The following AP4E1 variants were observed in gnomAD, a reference collection of about 807,000 sequenced individuals.
AP4E1 encodes adaptor related protein complex 4 subunit epsilon 1.
In AP4E1, 56 loss-of-function variants were observed where a neutral mutation model predicts 128.2. The observed-to-expected ratio is 0.44, with a 90% CI of 0.35 to 0.55. The LOEUF (loss-of-function observed/expected upper bound fraction) is 0.55. Among genes scored for constraint, AP4E1 ranks in the 20% least tolerant of loss-of-function variants. The pLI, the probability that AP4E1 is intolerant of heterozygous loss-of-function variation, is 0.00. For missense variants in AP4E1, 1,324 were observed against 1,307.7 expected, an observed-to-expected ratio of 1.01 and a Z score of -0.19; for synonymous variants, 484 against 473.1, an observed-to-expected ratio of 1.02 and a Z score of -0.30.
At chr15:50,940,493 A>G (rs927636171) in intron 8 of AP4E1, among the ~76,000 whole-genome samples, 1 of 152,212 alleles carries the variant, frequency 6.6e-6, no homozygotes, top group African/African-American at 2.4e-5. Flanking sequence ...TTTGTACATA[A>G]AGAGAATGTC....
intron 11 of AP4E1, 76 bp from the exon 12 acceptor site, chr15:50,949,750 T>C: frequency 8.5e-7 from 1 of 1,174,454 alleles, no homozygotes; most frequent in Non-Finnish European, 1.3e-6. Flanking sequence ...GGGGTTATTT[T>C]TTAAAAGATT....
At chr15:50,968,809 G>A (rs754124401) in intron 15 of AP4E1, among the ~76,000 whole-genome samples, 1 of 150,064 alleles carries the variant, frequency 6.7e-6, no homozygotes, top group Non-Finnish European at 1.5e-5. Flanking sequence ...TGTATTTTTA[G>A]TAGAGATGGG....
Position 50,958,659 on chromosome 15 carries a change from G to C in AP4E1, c.1716G>C (p.Glu572Asp). Reference protein sequence around the residue: ...TSQAHSSNTVERLIHEFTISL... With the variant: ...TSQAHSSNTVDRLIHEFTISL... ...AGGCGCACTCTTCTAATACAGTTGA[G>C]AGATTAATCCATGAATTTACCATAT... The change falls in exon 14 of 21, where the codon GAG becomes GAC. Residue 572 changes from glutamate (E) to aspartate (D), a missense_variant. By Grantham distance (45) the Glu-to-Asp change is conservative (BLOSUM62 2). Coordinates refer to ENST00000261842, the MANE Select transcript of AP4E1 (RefSeq NM_007347.5). 1.9e-6 allele frequency: 3 copies of C among 1,614,098 alleles called. No homozygotes were observed. The highest frequency in any genetic ancestry group is 2.5e-6 in the Non-Finnish European group (3 of 1,179,996).
At chr15:50,973,426 AC>A (rs1659794247) in intron 15 of AP4E1, among the ~76,000 whole-genome samples, 1 of 152,166 alleles carries the variant, frequency 6.6e-6, no homozygotes, top group African/African-American at 2.4e-5. Flanking sequence ...GTGGTTAAGA[AC>A]CTTAACTGGA....
rs372467230 is a variant in AP4E1 at position 50,911,575 on chromosome 15, C to T, written c.151-503C>T. Among the ~76,000 whole-genome samples, 7 of 150,540 alleles carry T rather than the reference C, an allele frequency of 4.6e-5. No homozygotes were observed. The East Asian group carries it at 5.8e-4, about 13-fold the overall frequency. ...TCGGCTCACTGCAACATTCACTTCCCGGGTTCAAGCGATTCTCCTGCCCCT... is the reference window on the plus strand; with the variant it reads ...TCGGCTCACTGCAACATTCACTTCCTGGGTTCAAGCGATTCTCCTGCCCCT... On this transcript the variant is annotated intron_variant, in intron 1 of 20. Transcript: ENST00000261842.
intron 16 of AP4E1, among the ~76,000 whole-genome samples, chr15:50,986,944 T>G (rs371115911): frequency 1.3e-5 from 2 of 152,144 alleles, no homozygotes; most frequent in African/African-American, 2.4e-5. Context: ...GTCCTGGACT[T>G]TTTTTGGTTG....
rs78205402 is a variant in AP4E1, at chr15:51,003,174, A to T, written c.*512A>T. The T allele has an allele frequency of 7.2e-5, 12 of 166,564 alleles. No homozygotes were observed. In the East Asian group the frequency reaches 2.1e-3, roughly 29 times the overall value. 10.3% of individuals were successfully genotyped at this position (166,564 alleles called of 1,614,324 possible). On this transcript the variant is annotated 3_prime_UTR_variant, in exon 21 of 21. Transcript: ENST00000261842. ...TAGATCAGTGTTGAACTAAGTTGGC[A>T]TAGCACACACTAACAGTTGTAGGAG...
intron 1 of AP4E1, among the ~76,000 whole-genome samples, chr15:50,911,801 A>C (rs1048289589): frequency 3.3e-5 from 5 of 152,258 alleles, no homozygotes; most frequent in African/African-American, 7.2e-5. Flanking sequence ...TTAAAAAAAA[A>C]CATTTTCTGC....
At position 51,001,049 on chromosome 15, in the gene AP4E1, A is replaced by T; in HGVS notation, c.3119A>T (p.Asp1040Val). ...FIRPLKISSDDFGKLWLSFAN... is the reference protein window; with the variant it reads ...FIRPLKISSDVFGKLWLSFAN... ...AGACCATTAAAAATCTCAAGTGACG[A>T]CTTTGGGAAACTCTGGTTATCCTTC... Residue 1040 changes from aspartate to valine, a missense_variant, in exon 20 of 21, where the codon GAC (aspartate) becomes GTC (valine). Physicochemically the swap from Asp to Val is radical, Grantham distance 152. Transcript: ENST00000261842. 1 of 1,613,000 alleles carries T rather than the reference A, an allele frequency of 6.2e-7. No individual in the cohort carries two copies. Among genetic ancestry groups the T allele is most frequent in the Non-Finnish European group, 8.5e-7 (1 of 1,179,304 alleles).
chr15:50,928,962 C>T, intron 5 of AP4E1, 47 bp from the exon 6 acceptor site: 2 of 1,590,186 alleles, frequency 1.3e-6, no homozygotes, highest in Non-Finnish European at 1.7e-6. Flanking sequence ...AAAGTAAATA[C>T]TTGAGAATTC....
intron 13 of AP4E1, among the ~76,000 whole-genome samples, chr15:50,952,426 C>G (rs887130846): frequency 6.6e-6 from 1 of 151,264 alleles, no homozygotes; most frequent in Non-Finnish European, 1.5e-5. Context: ...AGGAGAATCT[C>G]TTGAACTCAG....
At chr15:50,926,962 G>T (rs2063776791) in intron 5 of AP4E1, among the ~76,000 whole-genome samples, 1 of 152,192 alleles carries the variant, frequency 6.6e-6, no homozygotes, top group African/African-American at 2.4e-5. Flanking sequence ...AAGAATTACA[G>T]AATAACTTCA....
chr15:50,957,005 C>A (rs959405896), intron 13 of AP4E1, among the ~76,000 whole-genome samples: 4 of 152,096 alleles, frequency 2.6e-5, no homozygotes, highest in Non-Finnish European at 5.9e-5. Flanking sequence ...GTATGGGCCC[C>A]ATGGCAGCAT....
chr15:50,925,072 GTTTTC>G (rs1336293578), intron 4 of AP4E1, 21 bp from the exon 5 acceptor site: 8 of 1,613,120 alleles, frequency 5.0e-6, no homozygotes, highest in African/African-American at 2.7e-5. Flanking sequence ...TACACTAAAT[GTTTTC>G]TTTGCTTAAT....
intron 15 of AP4E1, among the ~76,000 whole-genome samples, chr15:50,977,395 A>AT (rs1057242592): frequency 6.6e-6 from 1 of 152,110 alleles, no homozygotes; most frequent in Non-Finnish European, 1.5e-5. Context: ...TGCCAAGTAC[A>AT]TTTTTTCCCA....
chr15:51,003,699 A>G lies in AP4E1; in HGVS notation c.*1037A>G, dbSNP rs1026941586. On this transcript the variant is annotated 3_prime_UTR_variant, in exon 21 of 21. Transcript: ENST00000261842. ...AAGAGGTTAAGCCTATATATGAATG[A>G]TGGACCAAAACCTTGAGGTTGTACA... 2.6e-5 allele frequency: 4 copies of G among 152,670 alleles called. No homozygotes were observed. Among genetic ancestry groups the G allele is most frequent in the African/African-American group, 9.6e-5 (4 of 41,468 alleles). The allele number at this position is 152,670 out of a possible 1,614,324, so 9.5% of individuals were successfully genotyped here.
At chr15:50,975,551 ACTGTCCTTTCT>A (rs2064539708) in intron 15 of AP4E1, among the ~76,000 whole-genome samples, 1 of 144,156 alleles carries the variant, frequency 6.9e-6, no homozygotes. Flanking sequence ...TGTTGAGAAG[ACTGTCCTTTCT>A]CTGTTGTGTA....
chr15:50,955,314 C>T (rs2064204151), intron 13 of AP4E1, among the ~76,000 whole-genome samples: 1 of 152,154 alleles, frequency 6.6e-6, no homozygotes, highest in Admixed American at 6.5e-5. Flanking sequence ...TGAAAGTGTT[C>T]CTGTTTCTCC....
At chr15:50,910,902 TGCCTTG>T (rs1442565658) in intron 1 of AP4E1, among the ~76,000 whole-genome samples, 2 of 152,236 alleles carry the variant, frequency 1.3e-5, no homozygotes, top group Non-Finnish European at 2.9e-5. Flanking sequence ...GTAATCCACC[TGCCTTG>T]GCCTTGGCCT....
Sources: gnomAD v4.1 joint callset for allele counts (sites outside exome capture counted in the v4.1 genomes callset) on GRCh38, gnomAD v4.1.1 for gene constraint, MANE v1.5 for transcripts, NCBI Gene and HGNC (gene_info 2026-07-23, HGNC 2026-07-21) for gene names.